Variants in TPST2 observed in about 807,000 individuals in gnomAD.
TPST2 encodes the protein protein-tyrosine sulfotransferase 2.
A neutral mutation model predicts 27.8 loss-of-function variants in TPST2; 16 were observed. The observed-to-expected ratio is 0.58, with a 90% CI of 0.39 to 0.88. The LOEUF (loss-of-function observed/expected upper bound fraction) is 0.88. Among genes scored for constraint, TPST2 ranks in the 40% least tolerant of loss-of-function variants. The pLI is 0.00. For synonymous variants in TPST2, 229 were observed against 231.7 expected (o/e 0.99, Z 0.10); for missense variants, 464 against 543.1 (o/e 0.85, Z 1.45).
At chr22:26,527,608 G>C (rs1924912392) in intron 6 of TPST2, among the ~76,000 whole-genome samples, 1 of 152,224 alleles carries the variant, frequency 6.6e-6, no homozygotes, top group African/African-American at 2.4e-5. Context: ...AAGCAAACCT[G>C]GGAGGAATTC....
chr22:26,589,828 G>T (rs1408274738), intron 1 of TPST2, among the ~76,000 whole-genome samples: 1 of 152,034 alleles, frequency 6.6e-6, no homozygotes, highest in Non-Finnish European at 1.5e-5. Flanking sequence ...CGCGGAAAGC[G>T]CTCGGGACGC....
intron 1 of TPST2, 49 bp downstream of exon 1, chr22:26,590,003 GC>G: frequency 6.6e-6 from 1 of 151,706 alleles, no homozygotes; most frequent in South Asian, 2.1e-4. Context: ...CCCAGCCCGC[GC>G]CCCCGGTTGC....
chr22:26,587,658 A>G (rs922019265), intron 1 of TPST2, among the ~76,000 whole-genome samples: 5 of 152,148 alleles, frequency 3.3e-5, no homozygotes, highest in African/African-American at 1.2e-4. Flanking sequence ...GTTTACAACT[A>G]ACACATCAAA....
At position 26,524,843 on chromosome 22, in the gene TPST2, C is replaced by T. The variant is rs918305915; in HGVS notation, c.*1432G>A. 6.6e-6 allele frequency: 1 copy of T among 152,188 alleles called. No individual in the cohort carries two copies. 9.4% of individuals were successfully genotyped at this position (152,188 alleles called of 1,614,324 possible). A position where few individuals can be genotyped will look rare whatever the true frequency, so the allele number is the denominator to read the frequency against. On this transcript the variant is annotated 3_prime_UTR_variant, in exon 7 of 7. Transcript: ENST00000338754. Reference sequence around the variant, plus strand: ...AAGAAAAAACTGGCCTTAATGGGCTCCTGGGAGATAACCTCTAAGTCCTTG... The same window carrying T: ...AAGAAAAAACTGGCCTTAATGGGCTTCTGGGAGATAACCTCTAAGTCCTTG...
chr22:26,534,720 G>C (rs1925353877), intron 4 of TPST2, among the ~76,000 whole-genome samples: 1 of 152,166 alleles, frequency 6.6e-6, no homozygotes, highest in Admixed American at 6.5e-5. Flanking sequence ...CCTGGGGCTG[G>C]ATTGTGAGAT....
At chr22:26,575,941 A>G (rs1927817210) in intron 1 of TPST2, among the ~76,000 whole-genome samples, 1 of 152,180 alleles carries the variant, frequency 6.6e-6, no homozygotes, top group Admixed American at 6.5e-5. Context: ...GGTTGCAGTG[A>G]GCCGAGATCG....
chr22:26,563,990 G>A (rs1927254628), intron 1 of TPST2, among the ~76,000 whole-genome samples: 2 of 152,168 alleles, frequency 1.3e-5, no homozygotes, highest in Admixed American at 1.3e-4. Flanking sequence ...TATTTCAGCA[G>A]ATACTGCAAG....
At chr22:26,529,191 A>C (rs1048565870) in intron 5 of TPST2, among the ~76,000 whole-genome samples, 1 of 151,402 alleles carries the variant, frequency 6.6e-6, no homozygotes, top group Non-Finnish European at 1.5e-5. Flanking sequence ...CGGTGGTGCA[A>C]TCTTGGTTCA....
At chr22:26,546,015 T>C (rs1271715556) in intron 1 of TPST2, among the ~76,000 whole-genome samples, 7 of 148,346 alleles carry the variant, frequency 4.7e-5, no homozygotes, top group Admixed American at 1.4e-4. Context: ...AGGTCGAGGC[T>C]GCAGCGAGCT....
At position 26,541,145 on chromosome 22, in the gene TPST2, C is replaced by A. The variant is rs940474636; in HGVS notation, c.486G>T (p.Thr162=). The A allele has an allele frequency of 6.2e-7, 1 of 1,606,858 alleles. No individual in the cohort carries two copies. The highest frequency in any genetic ancestry group is 8.5e-7 in the Non-Finnish European group (1 of 1,175,258). Residue 162 remains threonine (T), a synonymous_variant, in exon 3 of 7, where the codon ACG becomes ACT. Coordinates refer to ENST00000338754, the MANE Select transcript of TPST2 (RefSeq NM_003595.5). This position sits in a 1 kb window ranked among gnomAD's most constrained non-coding sequence, Gnocchi z 5.9. ...ARVLCNKDPF[T]LKSSVYLSRL... ...GCGACAGGTAGACCGAGGACTTGAG[C>A]GTAAATGGGTCCTTGTTGCAGAGCA...
At chr22:26,561,113 T>A in intron 1 of TPST2, 1 of 1,607,938 alleles carries the variant, frequency 6.2e-7, no homozygotes, top group East Asian at 2.2e-5. Flanking sequence ...ATGAAGAGGA[T>A]GAGGAGGAGG....
Position 26,523,331 on chromosome 22 carries a change from A to G in TPST2, c.*2944T>C, listed in dbSNP as rs1184319222. 6.6e-6 allele frequency: 1 copy of G among 152,236 alleles called. No homozygotes were observed. Among genetic ancestry groups the G allele is most frequent in the Admixed American group, 6.5e-5 (1 of 15,284 alleles). 9.4% of individuals were successfully genotyped at this position (152,236 alleles called of 1,614,324 possible). ...ATTTAAAGTCTGGAAGACTATGTAC[A>G]AACAGAAAATGGTAGCATTACCTTT... is the stretch of plus-strand genomic sequence containing the variant. On this transcript the variant is annotated 3_prime_UTR_variant, in exon 7 of 7. Transcript: ENST00000338754.
rs961854971 is a variant in TPST2, at chr22:26,560,396, T to A, written c.-160-15721A>T. Reference sequence around the variant, plus strand: ...AGAATCATATTGCAGCAGTGCCATATGACTTTTGTAAGGATTAAATAAGAT... The same window carrying A: ...AGAATCATATTGCAGCAGTGCCATAAGACTTTTGTAAGGATTAAATAAGAT... On this transcript the variant is annotated intron_variant, in intron 1 of 6. Coordinates refer to ENST00000338754, the MANE Select transcript of TPST2 (RefSeq NM_003595.5). The A allele has an allele frequency of 3.6e-5, 22 of 604,970 alleles. No homozygotes were observed. In the African/African-American group the frequency reaches 4.1e-4, roughly 11 times the overall value. 37.5% of individuals were successfully genotyped at this position (604,970 alleles called of 1,614,324 possible).
Position 26,540,074 on chromosome 22 carries a change from T to C in TPST2, c.842+715A>G, listed in dbSNP as rs76153051. ...AGTATCAACACTAAAATAGTAATAATAGCACCTAACATTTATTAACCTATT... is the reference window on the plus strand; with the variant it reads ...AGTATCAACACTAAAATAGTAATAACAGCACCTAACATTTATTAACCTATT... On this transcript the variant is annotated intron_variant, in intron 3 of 6. Coordinates refer to ENST00000338754, the MANE Select transcript of TPST2 (RefSeq NM_003595.5). 7.8e-3 allele frequency among the ~76,000 whole-genome samples: 1,185 copies of C among 152,246 alleles called. 6 individuals are homozygous for C. The highest frequency in any genetic ancestry group is 0.012 in the Non-Finnish European group (835 of 68,028).
At chr22:26,552,798 G>C (rs528213551) in intron 1 of TPST2, among the ~76,000 whole-genome samples, 1 of 152,106 alleles carries the variant, frequency 6.6e-6, no homozygotes, top group Non-Finnish European at 1.5e-5. Flanking sequence ...AGTGGTTCAC[G>C]CCTATAATCC....
Position 26,524,357 on chromosome 22 carries a change from A to ACT in TPST2, c.*1917_*1918insAG, listed in dbSNP as rs200144061. On this transcript the variant is annotated 3_prime_UTR_variant, in exon 7 of 7. Coordinates refer to ENST00000338754, the MANE Select transcript of TPST2 (RefSeq NM_003595.5). ...ACCTCGTCTCTACAGAAAAAAAAAA[A>ACT]TTTAAAAAGTAGCCAGGTGTGGTGG... The ACT allele has an allele frequency of 6.6e-6, 1 of 151,888 alleles. No homozygotes were observed. Among genetic ancestry groups the ACT allele is most frequent in the Non-Finnish European group, 1.5e-5 (1 of 68,022 alleles). 9.4% of individuals were successfully genotyped at this position (151,888 alleles called of 1,614,324 possible). A position where few individuals can be genotyped will look rare whatever the true frequency, so the allele number is the denominator to read the frequency against.
intron 1 of TPST2, among the ~76,000 whole-genome samples, chr22:26,554,316 C>A (rs748375762): frequency 1.3e-5 from 2 of 152,212 alleles, no homozygotes; most frequent in Non-Finnish European, 2.9e-5. Flanking sequence ...GCCCCTGACA[C>A]CTGGCACAGC....
intron 1 of TPST2, among the ~76,000 whole-genome samples, chr22:26,550,945 G>A (rs893441751): frequency 6.6e-6 from 1 of 152,276 alleles, no homozygotes; most frequent in South Asian, 2.1e-4. Context: ...GGTTCAAGAG[G>A]GAAAAAGGGC....
In TPST2 at chr22:26,525,742, T is replaced by G. The variant is rs1924793248; in HGVS notation, c.*533A>C. 1 of 152,516 alleles carries G rather than the reference T, an allele frequency of 6.6e-6. No homozygotes were observed. Among genetic ancestry groups the G allele is most frequent in the South Asian group, 2.1e-4 (1 of 4,836 alleles). 9.4% of individuals were successfully genotyped at this position (152,516 alleles called of 1,614,324 possible). ...CAGTATGGAAAGAAAAAAAAAACCCTATTCATTCAGTAAAGTAAGGCACAA... is the reference window on the plus strand; with the variant it reads ...CAGTATGGAAAGAAAAAAAAAACCCGATTCATTCAGTAAAGTAAGGCACAA... On this transcript the variant is annotated 3_prime_UTR_variant, in exon 7 of 7. Coordinates refer to ENST00000338754, the MANE Select transcript of TPST2 (RefSeq NM_003595.5).
Sources: allele counts gnomAD v4.1 joint callset (sites outside exome capture counted in the v4.1 genomes callset), GRCh38; gene constraint gnomAD v4.1.1; non-coding constraint Gnocchi (gnomAD v3.1); transcripts MANE v1.5; gene names NCBI Gene and HGNC (gene_info 2026-07-23, HGNC 2026-07-21).